The following RBBP8 variants were observed in gnomAD, a reference collection of about 807,000 sequenced individuals.
RBBP8 encodes DNA endonuclease RBBP8.
RBBP8 carries 88 observed loss-of-function variants against 108.3 expected under a neutral mutation model. The observed-to-expected ratio is 0.81, with a 90% CI of 0.68 to 0.97. The LOEUF (loss-of-function observed/expected upper bound fraction) is 0.97, where lower values mean the gene tolerates loss of function less well. RBBP8 is among the 50% of genes least tolerant of loss of function. The probability of loss-of-function intolerance (pLI) is 0.00; values close to 1 mark genes in which losing one functional copy is unlikely to be tolerated. For missense variants in RBBP8, 1,023 were observed against 1,049.0 expected (o/e 0.98, Z 0.34); for synonymous variants, 332 against 348.2 (o/e 0.95, Z 0.52).
At chr18:22,958,585 C>G (rs761170919) in intron 4 of RBBP8, among the ~76,000 whole-genome samples, 3 of 152,078 alleles carry the variant, frequency 2.0e-5, no homozygotes, top group Non-Finnish European at 2.9e-5. Flanking sequence ...GGCAGGGTCT[C>G]GCTCTGCTGG....
At chr18:22,988,579 CTG>C (rs1201437276) in intron 8 of RBBP8, among the ~76,000 whole-genome samples, 7 of 152,192 alleles carry the variant, frequency 4.6e-5, no homozygotes, top group Non-Finnish European at 1.0e-4. Context: ...AGTCCTTATT[CTG>C]TGTTTAAATC....
chr18:22,989,267 T>C lies in RBBP8; in HGVS notation c.756T>C (p.Asn252=). ...SSYTPDKSSF[N]LATVVAETLG... Reference sequence around the variant, plus strand: ...ATACCCCTGATAAGTCATCTTTTAATTTAGCTACAGTTGTTGCTGAAACAC... The same window carrying C: ...ATACCCCTGATAAGTCATCTTTTAACTTAGCTACAGTTGTTGCTGAAACAC... The change falls in exon 9 of 19, where the codon AAT becomes AAC. Residue 252 remains asparagine (N), a synonymous_variant. Coordinates refer to ENST00000327155, the MANE Select transcript of RBBP8 (RefSeq NM_002894.3). 2 of 1,611,678 alleles carry C rather than the reference T, an allele frequency of 1.2e-6. No individual in the cohort carries two copies. Among genetic ancestry groups the C allele is most frequent in the Non-Finnish European group, 1.7e-6 (2 of 1,178,030 alleles).
chr18:22,999,654 A>T (rs2045914731), intron 14 of RBBP8, among the ~76,000 whole-genome samples: 1 of 152,194 alleles, frequency 6.6e-6, no homozygotes, highest in Non-Finnish European at 1.5e-5. Flanking sequence ...ATTAAAAAAA[A>T]AAAAAATTAC....
chr18:22,928,678 T>C (rs115542955), upstream of RBBP8, among the ~76,000 whole-genome samples: 2,436 of 151,690 alleles, frequency 0.016, 69 homozygotes, highest in African/African-American at 0.056. Flanking sequence ...TTTTTTTCTT[T>C]TTTTTTTTTG....
intron 3 of RBBP8, among the ~76,000 whole-genome samples, chr18:22,926,551 A>G (rs1243204777): frequency 1.3e-5 from 2 of 152,364 alleles, no homozygotes; most frequent in African/African-American, 2.4e-5. Flanking sequence ...TATCAAGTAT[A>G]AAGAGATAGT....
chr18:22,956,997 A>G (rs972367084), intron 4 of RBBP8, among the ~76,000 whole-genome samples: 2 of 152,168 alleles, frequency 1.3e-5, no homozygotes, highest in Non-Finnish European at 2.9e-5. Context: ...GTTGTCTAAT[A>G]GAGTTTAATA....
chr18:22,964,373 G>GTTTTTTTTTTTTTT (rs71161350), intron 4 of RBBP8, among the ~76,000 whole-genome samples: 4 of 139,502 alleles, frequency 2.9e-5, no homozygotes, highest in Non-Finnish European at 4.6e-5. Context: ...GGAGACTTAG[G>GTTTTTTTTTTTTTT]TTTTTTTTTT....
intron 14 of RBBP8, among the ~76,000 whole-genome samples, chr18:22,997,988 T>C (rs1216071508): frequency 6.6e-6 from 1 of 152,224 alleles, no homozygotes; most frequent in East Asian, 1.9e-4. Flanking sequence ...GCTACCAGTT[T>C]TGTAAATAAA....
intron 3 of RBBP8, among the ~76,000 whole-genome samples, chr18:22,927,130 T>C (rs962228732): frequency 2.0e-5 from 3 of 152,250 alleles, no homozygotes; most frequent in African/African-American, 7.2e-5. Flanking sequence ...TAAAGTTTCT[T>C]TCCCTCACCT....
chr18:22,994,650 A>AC (rs1195778150), intron 12 of RBBP8, among the ~76,000 whole-genome samples: 1 of 151,028 alleles, frequency 6.6e-6, no homozygotes, highest in Non-Finnish European at 1.5e-5. Context: ...CCGTCTCAAA[A>AC]AAAAAAAAGA....
rs2045795976 is a variant in RBBP8, at chr18:22,993,847, G to A, written c.1939G>A (p.Asp647Asn). 6.2e-7 allele frequency: 1 copy of A among 1,612,118 alleles called. No individual in the cohort carries two copies. The highest frequency in any genetic ancestry group is 1.1e-5 in the South Asian group (1 of 90,956). The change falls in exon 12 of 19, where the codon GAT becomes AAT. Residue 647 changes from aspartate to asparagine, a missense_variant and splice_region_variant. Coordinates refer to ENST00000327155, the MANE Select transcript of RBBP8 (RefSeq NM_002894.3). ...GKIKSLQNNQ[D>N]VSFENIQWSI... ...AATAAAGTCTCTACAAAACAACCAA[G>A]GTGTGTACACCATAAACAGGATCTC...
chr18:22,985,577 T>A (rs943614312), intron 8 of RBBP8, among the ~76,000 whole-genome samples: 2 of 151,712 alleles, frequency 1.3e-5, no homozygotes, highest in Non-Finnish European at 2.9e-5. Flanking sequence ...TGGAGCAGAG[T>A]GAGTAAAGGG....
chr18:22,970,688 T>C (rs1438436084), intron 5 of RBBP8, among the ~76,000 whole-genome samples: 2 of 152,224 alleles, frequency 1.3e-5, no homozygotes, highest in Non-Finnish European at 2.9e-5. Flanking sequence ...GAATGGCTTA[T>C]TTATTCTTTG....
chr18:23,014,964 C>A (rs1312378480), intron 16 of RBBP8, among the ~76,000 whole-genome samples: 2 of 152,144 alleles, frequency 1.3e-5, no homozygotes, highest in Admixed American at 6.6e-5. Context: ...TTATTCACTG[C>A]AGCCTCAAAC....
chr18:22,958,991 T>A (rs1489130112), intron 4 of RBBP8, among the ~76,000 whole-genome samples: 1 of 152,226 alleles, frequency 6.6e-6, no homozygotes, highest in African/African-American at 2.4e-5. Flanking sequence ...ATTTCTCTCA[T>A]GTTAAACAGT....
chr18:23,022,637 T>TAAATA (rs2046373049), intron 18 of RBBP8, among the ~76,000 whole-genome samples: 1 of 78,048 alleles, frequency 1.3e-5, no homozygotes, highest in Admixed American at 1.4e-4. Context: ...TAAAATAAAA[T>TAAATA]AAATAAAATA....
intron 17 of RBBP8, among the ~76,000 whole-genome samples, chr18:23,019,643 C>T (rs760776736): frequency 6.6e-6 from 1 of 152,126 alleles, no homozygotes; most frequent in Non-Finnish European, 1.5e-5. Context: ...TTTTTTCTTT[C>T]ACATCTCAAT....
chr18:22,992,544 T>A (rs965763475), intron 10 of RBBP8, among the ~76,000 whole-genome samples: 4 of 152,290 alleles, frequency 2.6e-5, no homozygotes, highest in African/African-American at 9.6e-5. Context: ...TTAGGAAAAA[T>A]TTTTAAAATA....
At chr18:23,014,166 T>C (rs2046218025) in intron 16 of RBBP8, among the ~76,000 whole-genome samples, 2 of 128,856 alleles carry the variant, frequency 1.6e-5, no homozygotes, top group African/African-American at 6.7e-5. Context: ...GCCTGGCTAA[T>C]TTTTTTTTTT....
Sources: allele counts gnomAD v4.1 joint callset (sites outside exome capture counted in the v4.1 genomes callset), GRCh38; gene constraint gnomAD v4.1.1; transcripts MANE v1.5; gene names NCBI Gene and HGNC (gene_info 2026-07-23, HGNC 2026-07-21).